Variants in PRKN observed in about 807,000 individuals in gnomAD.
PRKN encodes E3 ubiquitin-protein ligase parkin.
Under a neutral mutation model 59.5 loss-of-function variants are expected in PRKN, and 56 were observed. The ratio of observed to expected loss-of-function variants is 0.94; its 90% CI spans 0.76 to 1.18. The LOEUF (loss-of-function observed/expected upper bound fraction) is 1.18. Among genes scored for constraint, PRKN ranks in the 50% most tolerant of loss-of-function variants. PRKN has a pLI of 0.00. For missense variants in PRKN, 657 were observed against 596.4 expected (o/e 1.10, Z -1.06); for synonymous variants, 250 against 222.1 (o/e 1.13, Z -1.12).
intron 1 of PRKN, among the ~76,000 whole-genome samples, chr6:162,457,718 G>A (rs1790946121): frequency 6.6e-6 from 1 of 151,940 alleles, no homozygotes; most frequent in South Asian, 2.1e-4. Flanking sequence ...TGAGTGTGTT[G>A]TGTTTGTCTT....
At chr6:161,815,188 G>A (rs1791723775) in intron 6 of PRKN, among the ~76,000 whole-genome samples, 1 of 152,198 alleles carries the variant, frequency 6.6e-6, no homozygotes, top group South Asian at 2.1e-4. Flanking sequence ...TACTTCATAT[G>A]ATTCTAGGAC....
intron 1 of PRKN, among the ~76,000 whole-genome samples, chr6:162,596,678 G>C (rs1781506569): frequency 6.6e-6 from 1 of 152,186 alleles, no homozygotes; most frequent in African/African-American, 2.4e-5. Flanking sequence ...TCAGGTATCT[G>C]ACTATCCTAG....
chr6:162,531,433 A>G (rs951471662), intron 1 of PRKN, among the ~76,000 whole-genome samples: 16 of 152,296 alleles, frequency 1.1e-4, no homozygotes, highest in African/African-American at 3.8e-4. Flanking sequence ...AGTCTCCCCA[A>G]GCATTCAGGG....
chr6:162,347,558 T>A (rs1171631320), intron 2 of PRKN, among the ~76,000 whole-genome samples: 1 of 152,114 alleles, frequency 6.6e-6, no homozygotes, highest in Non-Finnish European at 1.5e-5. Context: ...AATATGTGTG[T>A]TTGAATAAAG....
intron 3 of PRKN, among the ~76,000 whole-genome samples, chr6:162,219,343 A>C (rs1777835490): frequency 6.6e-6 from 1 of 152,210 alleles, no homozygotes; most frequent in Admixed American, 6.5e-5. Context: ...CTGTCTAGAA[A>C]AATTAATAAA....
intron 4 of PRKN, among the ~76,000 whole-genome samples, chr6:162,198,840 C>A (rs969786083): frequency 6.6e-6 from 1 of 152,092 alleles, no homozygotes; most frequent in Non-Finnish European, 1.5e-5. Flanking sequence ...TAAGTACCTA[C>A]TATTAATGTA....
intron 2 of PRKN, among the ~76,000 whole-genome samples, chr6:162,426,496 G>A (rs923811182): frequency 2.0e-5 from 3 of 152,202 alleles, no homozygotes; most frequent in Non-Finnish European, 4.4e-5. Context: ...TGTCACCCAC[G>A]CTGTAATGCA....
At chr6:161,994,960 CA>C (rs1278904776) in intron 5 of PRKN, among the ~76,000 whole-genome samples, 1 of 150,890 alleles carries the variant, frequency 6.6e-6, no homozygotes, top group Admixed American at 6.6e-5. Context: ...TGTATGGAAC[CA>C]CAAAAGACCC....
chr6:162,391,959 A>G (rs1032568982), intron 2 of PRKN, among the ~76,000 whole-genome samples: 1 of 152,184 alleles, frequency 6.6e-6, no homozygotes, highest in African/African-American at 2.4e-5. Flanking sequence ...TATGGATTTT[A>G]GGTAGTCTGT....
chr6:162,702,762 T>C (rs1282685859), intron 1 of PRKN, among the ~76,000 whole-genome samples: 17 of 152,216 alleles, frequency 1.1e-4, no homozygotes, highest in Non-Finnish European at 1.9e-4. Flanking sequence ...AGTTTTAAAA[T>C]AGCACTTTTT....
intron 6 of PRKN, among the ~76,000 whole-genome samples, chr6:161,823,898 G>A (rs976749146): frequency 2.0e-5 from 3 of 152,184 alleles, no homozygotes; most frequent in Non-Finnish European, 4.4e-5. Context: ...TTTCACAGCT[G>A]TTGCTTAGGA....
intron 1 of PRKN, among the ~76,000 whole-genome samples, chr6:162,527,550 T>C (rs1328899080): frequency 6.6e-6 from 1 of 152,234 alleles, no homozygotes; most frequent in South Asian, 2.1e-4. Context: ...TATAGGTTTC[T>C]AGGTTTCTAG....
At chr6:162,533,970 CAAAAAAA>C (rs139214272) in intron 1 of PRKN, among the ~76,000 whole-genome samples, 4 of 82,934 alleles carry the variant, frequency 4.8e-5, no homozygotes, top group African/African-American at 1.1e-4. Context: ...GACTCCATCT[CAAAAAAA>C]AAAAAAAAAA....
rs938237299 is a variant in PRKN, at chr6:161,483,389, C to T, written c.1083+65465G>A. On this transcript the variant is annotated intron_variant, in intron 9 of 11. Coordinates refer to ENST00000366898, the MANE Select transcript of PRKN (RefSeq NM_004562.3). The surrounding 1 kb of genome is among the most constrained non-coding windows in gnomAD (Gnocchi z 5.0). Reference sequence around the variant, plus strand: ...CTGAAAATCCATGATAAAGATTGAGCGTGGTTGAAAGGCTTGTCATGCGTA... The same window carrying T: ...CTGAAAATCCATGATAAAGATTGAGTGTGGTTGAAAGGCTTGTCATGCGTA... 6.6e-5 allele frequency among the ~76,000 whole-genome samples: 10 copies of T among 152,086 alleles called. No homozygotes were observed. Among genetic ancestry groups the T allele is most frequent in the Middle Eastern group, 3.2e-3 (1 of 316 alleles).
Position 161,462,840 on chromosome 6 carries a change from A to C in PRKN, c.1084-75963T>G, listed in dbSNP as rs1255070855. Among the ~76,000 whole-genome samples, 1 of 152,156 alleles carries C rather than the reference A, an allele frequency of 6.6e-6. No individual in the cohort carries two copies. The highest frequency in any genetic ancestry group is 2.4e-5 in the African/African-American group (1 of 41,424). ...AAATAATCCATGATTTTTTTGTTCT[A>C]AACTGGCTTAATAGGTCTGAGGCCA... is the stretch of plus-strand genomic sequence containing the variant. On this transcript the variant is annotated intron_variant, in intron 9 of 11. Transcript: ENST00000366898. The surrounding 1 kb of genome is among the most constrained non-coding windows in gnomAD (Gnocchi z 4.5).
chr6:162,121,187 T>G (rs1780898374), intron 4 of PRKN, among the ~76,000 whole-genome samples: 1 of 152,200 alleles, frequency 6.6e-6, no homozygotes. Flanking sequence ...TTGATCATGC[T>G]TACCTCAAAC....
intron 3 of PRKN, among the ~76,000 whole-genome samples, chr6:162,216,836 C>A (rs1199516461): frequency 6.6e-6 from 1 of 152,078 alleles, no homozygotes; most frequent in Non-Finnish European, 1.5e-5. Flanking sequence ...AAAATGAAAT[C>A]TTTCTTTTGG....
At chr6:162,214,022 T>C (rs1471667162) in intron 3 of PRKN, among the ~76,000 whole-genome samples, 1 of 151,388 alleles carries the variant, frequency 6.6e-6, no homozygotes, top group Non-Finnish European at 1.5e-5. Context: ...GATCAAAAGG[T>C]GTTGGCTCAA....
At chr6:162,330,869 G>A (rs1348877478) in intron 2 of PRKN, among the ~76,000 whole-genome samples, 3 of 152,146 alleles carry the variant, frequency 2.0e-5, no homozygotes, top group Admixed American at 1.3e-4. Context: ...CTCGTGTTGT[G>A]GAGGCATTCA....
Sources: gnomAD v4.1 joint callset for allele counts (sites outside exome capture counted in the v4.1 genomes callset) on GRCh38, gnomAD v4.1.1 for gene constraint, Gnocchi (gnomAD v3.1) non-coding constraint, MANE v1.5 for transcripts, NCBI Gene and HGNC (gene_info 2026-07-23, HGNC 2026-07-21) for gene names.